CHIC1: variants seen among roughly 807,000 people sequenced by gnomAD.
CHIC1 encodes the protein cysteine-rich hydrophobic domain-containing protein 1.
Under a neutral mutation model 18.5 loss-of-function variants are expected in CHIC1, and 7 were observed. That is an observed-to-expected ratio of 0.38 (90% CI 0.22 to 0.71). The LOEUF is 0.71. CHIC1 is among the 30% of genes least tolerant of loss of function. CHIC1 has a pLI of 0.49. For missense variants in CHIC1, 159 were observed against 176.9 expected (o/e 0.90, Z 0.57); for synonymous variants, 77 against 73.5 (o/e 1.05, Z -0.25).
At chrX:73,652,287 A>G (rs2057920816) in intron 3 of CHIC1, among the ~76,000 whole-genome samples, 1 of 112,461 alleles carries the variant, frequency 8.9e-6, no homozygotes, top group South Asian at 3.7e-4. Flanking sequence ...AAAGCCTTAG[A>G]AAAAAACCTA....
chrX:73,595,338 G>A (rs1336600039), intron 3 of CHIC1, among the ~76,000 whole-genome samples: 6 of 109,890 alleles, frequency 5.5e-5, no homozygotes, highest in African/African-American at 6.6e-5. Context: ...CCCACCCTCC[G>A]ACAGGCCCCG....
At position 73,587,433 on chromosome X, in the gene CHIC1, A is replaced by G. The variant is rs1193744206; in HGVS notation, c.507+2861A>G. Among the ~76,000 whole-genome samples the G allele has an allele frequency of 3.6e-5, 4 of 111,490 alleles. No individual in the cohort carries two copies. The East Asian group carries it at 1.1e-3, about 32-fold the overall frequency. On this transcript the variant is annotated intron_variant, in intron 3 of 5. Coordinates refer to ENST00000373502, the MANE Select transcript of CHIC1 (RefSeq NM_001039840.4). ...TGATATCATAGTCAATTTCAGCCCCAGTCATGCTATGACTCAAAATTTGAA... is the reference window on the plus strand; with the variant it reads ...TGATATCATAGTCAATTTCAGCCCCGGTCATGCTATGACTCAAAATTTGAA...
intron 3 of CHIC1, among the ~76,000 whole-genome samples, chrX:73,625,836 C>G (rs1046812991): frequency 1.8e-5 from 2 of 110,935 alleles, no homozygotes; most frequent in Admixed American, 9.6e-5. Context: ...CTGTCTATCT[C>G]TAGAGAAAGT....
At chrX:73,595,135 C>T (rs986310857) in intron 3 of CHIC1, among the ~76,000 whole-genome samples, 1 of 110,875 alleles carries the variant, frequency 9.0e-6, no homozygotes, top group African/African-American at 3.3e-5. Flanking sequence ...AATTGCTGGT[C>T]ATATGGCAAT....
chrX:73,566,181 A>G (rs777357830), intron 1 of CHIC1, among the ~76,000 whole-genome samples: 96 of 109,026 alleles, frequency 8.8e-4, no homozygotes, highest in Admixed American at 2.0e-3. Context: ...TCTCATTCCT[A>G]TTTGGCACCA....
intron 3 of CHIC1, among the ~76,000 whole-genome samples, chrX:73,649,833 A>G (rs916050091): frequency 1.8e-5 from 2 of 112,246 alleles, no homozygotes; most frequent in Non-Finnish European, 3.8e-5. Flanking sequence ...CTCTGGACCA[A>G]GCAGAACTAA....
intron 1 of CHIC1, 144 bp from the exon 2 acceptor site, chrX:73,577,263 A>C (rs2057503809): frequency 8.4e-6 from 3 of 356,478 alleles, no homozygotes; most frequent in Admixed American, 9.2e-5. Context: ...ATTTTCTATA[A>C]ATGTCATATA....
intron 3 of CHIC1, among the ~76,000 whole-genome samples, chrX:73,615,844 G>A (rs747142339): frequency 9.9e-5 from 11 of 111,186 alleles, no homozygotes; most frequent in Non-Finnish European, 1.3e-4. Context: ...GTTGCTTTTA[G>A]TGTCAGTGGC....
chrX:73,594,215 C>T (rs754809700), intron 3 of CHIC1, among the ~76,000 whole-genome samples: 24 of 110,141 alleles, frequency 2.2e-4, no homozygotes, highest in South Asian at 1.2e-3. Context: ...CAGTCACCCA[C>T]GCTGGAATAC....
intron 3 of CHIC1, among the ~76,000 whole-genome samples, chrX:73,655,499 TATATATAC>T (rs2057941579): frequency 1.2e-5 from 1 of 83,520 alleles, no homozygotes; most frequent in African/African-American, 4.6e-5. Context: ...ATTGTGTATA[TATATATAC>T]ATATATACAC....
intron 3 of CHIC1, among the ~76,000 whole-genome samples, chrX:73,639,463 T>TA (rs779411167): frequency 8.9e-6 from 1 of 112,128 alleles, no homozygotes; most frequent in Non-Finnish European, 1.9e-5. Context: ...CCCCATTTTG[T>TA]ACATTGTTTT....
chrX:73,574,321 C>T (rs1301725470), intron 1 of CHIC1, among the ~76,000 whole-genome samples: 1 of 110,601 alleles, frequency 9.0e-6, no homozygotes, highest in Non-Finnish European at 1.9e-5. Flanking sequence ...CTGCTGGATT[C>T]GGATTGCTAG....
intron 3 of CHIC1, among the ~76,000 whole-genome samples, chrX:73,658,627 A>G (rs1395864892): frequency 1.8e-5 from 2 of 108,349 alleles, no homozygotes; most frequent in African/African-American, 6.7e-5. Context: ...TTGTGTCTCT[A>G]TCTCTTTCAG....
chrX:73,569,845 A>T (rs1430231517), intron 1 of CHIC1, among the ~76,000 whole-genome samples: 1 of 111,620 alleles, frequency 9.0e-6, no homozygotes, highest in African/African-American at 3.2e-5. Context: ...TATCAAGCCT[A>T]CTTTGCCTTT....
At chrX:73,671,860 G>A (rs1238444416) in intron 3 of CHIC1, among the ~76,000 whole-genome samples, 2 of 109,248 alleles carry the variant, frequency 1.8e-5, no homozygotes, top group African/African-American at 6.7e-5. Flanking sequence ...ATGTTGGTGT[G>A]CTGCACCCAT....
At chrX:73,671,770 T>A (rs796949407) in intron 3 of CHIC1, among the ~76,000 whole-genome samples, 7 of 110,598 alleles carry the variant, frequency 6.3e-5, no homozygotes, top group South Asian at 3.8e-4. Context: ...CTTTTTTTTT[T>A]AATTTTATTA....
chrX:73,643,366 G>A (rs991081413), intron 3 of CHIC1, among the ~76,000 whole-genome samples: 1 of 109,047 alleles, frequency 9.2e-6, no homozygotes, highest in Non-Finnish European at 1.9e-5. Flanking sequence ...TCTTCTCGAG[G>A]AGTATCTTTG....
At chrX:73,670,700 G>T (rs1317506043) in intron 3 of CHIC1, among the ~76,000 whole-genome samples, 1 of 110,639 alleles carries the variant, frequency 9.0e-6, no homozygotes, top group Non-Finnish European at 1.9e-5. Context: ...GTATCTTACA[G>T]GTTTTGGTAT....
intron 3 of CHIC1, among the ~76,000 whole-genome samples, chrX:73,645,213 G>T (rs1474228636): frequency 8.9e-6 from 1 of 111,947 alleles, no homozygotes; most frequent in Non-Finnish European, 1.9e-5. Flanking sequence ...TGTCTTTCAG[G>T]CTATCTATGT....
Sources: gnomAD v4.1 joint callset for allele counts (sites outside exome capture counted in the v4.1 genomes callset) on GRCh38, gnomAD v4.1.1 for gene constraint, MANE v1.5 for transcripts, NCBI Gene and HGNC (gene_info 2026-07-23, HGNC 2026-07-21) for gene names.